RANBP17: variants seen among roughly 807,000 people sequenced by gnomAD.
RANBP17 encodes RAN binding protein 17, also known as ran-binding protein 17.
A neutral mutation model predicts 141.2 loss-of-function variants in RANBP17; 158 were observed. The ratio of observed to expected loss-of-function variants is 1.12; its 90% CI spans 0.98 to 1.28. The LOEUF is 1.28. Ranked by LOEUF, RANBP17 falls within the 50% of genes most tolerant of loss-of-function variation. The probability of loss-of-function intolerance (pLI) is 0.00; values close to 1 mark genes in which losing one functional copy is unlikely to be tolerated. For missense variants in RANBP17, 1,438 were observed against 1,290.7 expected (o/e 1.11, Z -1.75); for synonymous variants, 430 against 450.0 (o/e 0.96, Z 0.56).
At chr5:171,128,854 A>G (rs72827554) in intron 14 of RANBP17, among the ~76,000 whole-genome samples, 1 of 152,172 alleles carries the variant, frequency 6.6e-6, no homozygotes, top group Non-Finnish European at 1.5e-5. Context: ...CATGAATTGC[A>G]ATAATGAAAA....
intron 22 of RANBP17, among the ~76,000 whole-genome samples, chr5:171,234,249 A>C (rs1238101461): frequency 6.6e-6 from 1 of 152,146 alleles, no homozygotes; most frequent in African/African-American, 2.4e-5. Context: ...TAGAGTCTTA[A>C]GGCGGGAGTG....
intron 18 of RANBP17, 46 bp from the exon 19 acceptor site, chr5:171,199,624 A>G (rs754839849): frequency 9.9e-6 from 12 of 1,213,812 alleles, no homozygotes; most frequent in Admixed American, 3.6e-5. Context: ...ACAATGTACA[A>G]TTCTATGCAT....
chr5:170,951,966 G>A (rs1018290199), intron 12 of RANBP17, among the ~76,000 whole-genome samples: 3 of 152,008 alleles, frequency 2.0e-5, no homozygotes, highest in African/African-American at 7.2e-5. Flanking sequence ...TGTTAGTGTT[G>A]TTGATGATGT....
intron 14 of RANBP17, among the ~76,000 whole-genome samples, chr5:170,976,937 C>A (rs974851914): frequency 1.3e-5 from 2 of 151,980 alleles, no homozygotes; most frequent in African/African-American, 4.8e-5. Context: ...TGACTTTGGA[C>A]AATGGTTTCT....
At chr5:171,087,356 C>T (rs1455171323) in intron 14 of RANBP17, among the ~76,000 whole-genome samples, 1 of 151,992 alleles carries the variant, frequency 6.6e-6, no homozygotes, top group Non-Finnish European at 1.5e-5. Context: ...TGTTCTTTTA[C>T]ATTTGCTGAG....
At chr5:171,089,028 G>A (rs1213956729) in intron 14 of RANBP17, among the ~76,000 whole-genome samples, 1 of 151,872 alleles carries the variant, frequency 6.6e-6, no homozygotes, top group African/African-American at 2.4e-5. Flanking sequence ...CTTTGGAGGA[G>A]GAGAGGTGCT....
intron 14 of RANBP17, among the ~76,000 whole-genome samples, chr5:170,989,973 T>C (rs1778395850): frequency 6.6e-6 from 1 of 151,776 alleles, no homozygotes; most frequent in Admixed American, 6.6e-5. Flanking sequence ...AGCATGTATT[T>C]TCTTGTTTTT....
At chr5:171,252,947 C>CT in intron 24 of RANBP17, 5 of 1,450,064 alleles carry the variant, frequency 3.4e-6, no homozygotes, top group South Asian at 1.1e-5. Context: ...TCAAAGAACT[C>CT]TGAGTCTGGT....
intron 5 of RANBP17, among the ~76,000 whole-genome samples, chr5:170,908,308 G>A (rs994630622): frequency 1.3e-4 from 20 of 151,808 alleles, no homozygotes; most frequent in Admixed American, 2.6e-4. Flanking sequence ...GAAAATACAC[G>A]TATACCACAG....
Position 171,168,017 on chromosome 5 carries a change from C to A in RANBP17, c.1711-2113C>A, listed in dbSNP as rs373021803. Among the ~76,000 whole-genome samples the A allele has an allele frequency of 1.3e-3, 194 of 152,152 alleles. 9 individuals carry two copies. The South Asian group carries it at 0.039, about 30-fold the overall frequency. The stretch of plus-strand genomic sequence containing the variant: ...TAATATAGTCCTAGTAGATCCAGAC[C>A]GTGTCCTTCCACTGCACATTAAAGC... On this transcript the variant is annotated intron_variant, in intron 14 of 27. Coordinates refer to ENST00000523189, the MANE Select transcript of RANBP17 (RefSeq NM_022897.5).
At chr5:170,951,913 A>G (rs1489126614) in intron 12 of RANBP17, among the ~76,000 whole-genome samples, 1 of 152,116 alleles carries the variant, frequency 6.6e-6, no homozygotes. Flanking sequence ...ACAGGGGGAA[A>G]TAATCTGCAG....
At chr5:170,895,130 G>T (rs1165133140) in intron 4 of RANBP17, among the ~76,000 whole-genome samples, 1 of 152,070 alleles carries the variant, frequency 6.6e-6, no homozygotes, top group East Asian at 1.9e-4. Context: ...TGTCTTGAAA[G>T]GCCATAAATA....
chr5:171,166,827 C>A (rs1231494503), intron 14 of RANBP17, among the ~76,000 whole-genome samples: 6 of 152,132 alleles, frequency 3.9e-5, no homozygotes, highest in Admixed American at 2.0e-4. Flanking sequence ...TTTTAAATGA[C>A]CCTGTCACAC....
At chr5:171,138,613 G>A (rs1757477559) in intron 14 of RANBP17, among the ~76,000 whole-genome samples, 1 of 151,196 alleles carries the variant, frequency 6.6e-6, no homozygotes, top group South Asian at 2.1e-4. Flanking sequence ...AACAGTGAAA[G>A]GGACACAAAA....
chr5:171,265,705 G>C lies in RANBP17; in HGVS notation c.2801G>C (p.Cys934Ser). 2 of 1,613,658 alleles carry C rather than the reference G, an allele frequency of 1.2e-6. No individual in the cohort carries two copies. Among genetic ancestry groups the C allele is most frequent in the East Asian group, 2.2e-5 (1 of 44,886 alleles). The stretch of plus-strand genomic sequence containing the variant: ...GATACAGTTGTCTCCTCCAGCTGCT[G>C]TACCAGTTTAGACTACATCGTCACC... Reference protein sequence around the residue: ...TLDTVVSSSCCTSLDYIVTYL... With the variant: ...TLDTVVSSSCSTSLDYIVTYL... The change falls in exon 25 of 28, where the codon TGT becomes TCT. Residue 934 changes from cysteine to serine, a missense_variant. Cys to Ser is a moderately radical substitution (Grantham distance 112). Coordinates refer to ENST00000523189, the MANE Select transcript of RANBP17 (RefSeq NM_022897.5).
At chr5:170,923,981 T>C (rs1219432883) in intron 11 of RANBP17, among the ~76,000 whole-genome samples, 1 of 151,862 alleles carries the variant, frequency 6.6e-6, no homozygotes, top group Non-Finnish European at 1.5e-5. Context: ...TTCTATTTTA[T>C]TTTTTATTTC....
At chr5:171,274,154 G>GCA (rs1260234482) in intron 25 of RANBP17, among the ~76,000 whole-genome samples, 24 of 143,744 alleles carry the variant, frequency 1.7e-4, no homozygotes, top group Non-Finnish European at 3.0e-4. Flanking sequence ...GTGTGTGCGC[G>GCA]CGCGCGCGCG....
intron 14 of RANBP17, among the ~76,000 whole-genome samples, chr5:171,034,649 C>A (rs1049540443): frequency 1.3e-5 from 2 of 152,102 alleles, no homozygotes; most frequent in African/African-American, 2.4e-5. Flanking sequence ...CATGGGAGCA[C>A]CTTCCATGTT....
chr5:171,170,066 C>T lies in RANBP17; in HGVS notation c.1711-64C>T, dbSNP rs560625002. 3.8e-5 allele frequency: 33 copies of T among 857,762 alleles called. No homozygotes were observed. In the Middle Eastern group the frequency reaches 7.3e-4, roughly 19 times the overall value. The allele number at this position is 857,762 out of a possible 1,614,324, so 53.1% of individuals were successfully genotyped here. A position where few individuals can be genotyped will look rare whatever the true frequency, so the allele number is the denominator to read the frequency against. ...CATTAAATCTTATGTTTGTTCAATT[C>T]GAATAGTCTTTTGAAAATATATGTT... is the stretch of plus-strand genomic sequence containing the variant. On this transcript the variant is annotated intron_variant, in intron 14 of 27. Transcript: ENST00000523189.
Sources: allele counts gnomAD v4.1 joint callset (sites outside exome capture counted in the v4.1 genomes callset), GRCh38; gene constraint gnomAD v4.1.1; transcripts MANE v1.5; gene names NCBI Gene and HGNC (gene_info 2026-07-23, HGNC 2026-07-21).